Variants in RBFOX3 observed in about 807,000 individuals in gnomAD.
RBFOX3 encodes the protein RNA binding protein fox-1 homolog 3.
A neutral mutation model predicts 48.7 loss-of-function variants in RBFOX3; 17 were observed. The ratio of observed to expected loss-of-function variants is 0.35; its 90% CI spans 0.24 to 0.52. The LOEUF (loss-of-function observed/expected upper bound fraction) is 0.52. RBFOX3 is among the 20% of genes least tolerant of loss of function. The probability of loss-of-function intolerance (pLI) is 0.94; values close to 1 mark genes in which losing one functional copy is unlikely to be tolerated. For missense variants in RBFOX3, 382 were observed against 497.5 expected (o/e 0.77, Z 2.21); for synonymous variants, 212 against 209.5 (o/e 1.01, Z -0.10).
chr17:79,501,831 G>A (rs967691777), intron 1 of RBFOX3, among the ~76,000 whole-genome samples: 2 of 152,186 alleles, frequency 1.3e-5, no homozygotes, highest in South Asian at 2.1e-4. Flanking sequence ...AAACTGCCCT[G>A]CCTTATCTCA....
intron 1 of RBFOX3, among the ~76,000 whole-genome samples, chr17:79,519,883 G>T (rs2085807820): frequency 6.6e-6 from 1 of 152,182 alleles, no homozygotes; most frequent in South Asian, 2.1e-4. Context: ...AGAGCTCCTG[G>T]CTGGTCCCCG....
In RBFOX3 at chr17:79,116,459, G is replaced by A. The variant is rs568921737; in HGVS notation, c.-33-711C>T. 1.3e-3 allele frequency among the ~76,000 whole-genome samples: 191 copies of A among 152,354 alleles called. 1 individual carries two copies. The highest frequency in any genetic ancestry group is 4.2e-3 in the African/African-American group (174 of 41,578). ...CAACCTGGGAGGCAGGGGTTGCAGC[G>A]AGCCAAAATCGCACTATTGCGCTCC... On this transcript the variant is annotated intron_variant, in intron 4 of 14. Coordinates refer to ENST00000693108, the MANE Select transcript of RBFOX3 (RefSeq NM_001350451.2).
Position 79,103,022 on chromosome 17 carries a change from G to T in RBFOX3, c.507+140C>A. The T allele has an allele frequency of 1.5e-6, 1 of 660,586 alleles. No homozygotes were observed. The allele number at this position is 660,586 out of a possible 1,614,324, so 40.9% of individuals were successfully genotyped here. On this transcript the variant is annotated intron_variant, in intron 8 of 14. Transcript: ENST00000693108. The surrounding 1 kb of genome is among the most constrained non-coding windows in gnomAD (Gnocchi z 6.1). Reference sequence around the variant, plus strand: ...GGCAGCTGAGCACCCTGGCCTTAGTGCGACCCTTCCTCCCACCCCAGGGAA... The same window carrying T: ...GGCAGCTGAGCACCCTGGCCTTAGTTCGACCCTTCCTCCCACCCCAGGGAA...
chr17:79,416,578 C>T (rs546719235), intron 2 of RBFOX3, among the ~76,000 whole-genome samples: 36 of 152,322 alleles, frequency 2.4e-4, no homozygotes, highest in African/African-American at 7.9e-4. Context: ...TGCTCTCCCA[C>T]GGGGGCCAGC....
At chr17:79,436,030 AG>A (rs2069374120) in intron 2 of RBFOX3, among the ~76,000 whole-genome samples, 1 of 152,240 alleles carries the variant, frequency 6.6e-6, no homozygotes, top group Admixed American at 6.5e-5. Context: ...CGCCCCCATG[AG>A]ACCTGCAACC....
At chr17:79,522,721 G>A (rs2095254654) in intron 1 of RBFOX3, among the ~76,000 whole-genome samples, 1 of 152,060 alleles carries the variant, frequency 6.6e-6, no homozygotes, top group African/African-American at 2.4e-5. Flanking sequence ...CCTGAGGTCA[G>A]GAGTTTGAGA....
rs187323283 is a variant in RBFOX3, at chr17:79,180,884, G to A, written c.-34+54882C>T. Among the ~76,000 whole-genome samples the A allele has an allele frequency of 1.2e-4, 18 of 152,124 alleles. No homozygotes were observed. The East Asian group carries it at 2.5e-3, about 21-fold the overall frequency. On this transcript the variant is annotated intron_variant, in intron 4 of 14. Coordinates refer to ENST00000693108, the MANE Select transcript of RBFOX3 (RefSeq NM_001350451.2). ...GCTCTGGCTTTCCCAGGGACAATTCGGGATGGCTATGGCTCCGTGGACATC... is the reference window on the plus strand; with the variant it reads ...GCTCTGGCTTTCCCAGGGACAATTCAGGATGGCTATGGCTCCGTGGACATC...
chr17:79,159,155 A>G (rs2046423595), intron 4 of RBFOX3, among the ~76,000 whole-genome samples: 1 of 152,140 alleles, frequency 6.6e-6, no homozygotes, highest in Admixed American at 6.5e-5. Context: ...TGGGGAGCGG[A>G]GACCCAAAGA....
At chr17:79,120,020 C>G (rs2035262930) in intron 4 of RBFOX3, among the ~76,000 whole-genome samples, 1 of 152,200 alleles carries the variant, frequency 6.6e-6, no homozygotes, top group Admixed American at 6.5e-5. Flanking sequence ...AGTATCTGTC[C>G]CATTGCTTCT....
the RBFOX3 span, among the ~76,000 whole-genome samples, chr17:79,622,230 C>T: frequency 6.6e-6 from 1 of 152,222 alleles, no homozygotes. Context: ...TCTTGGCACA[C>T]CTTCAGACCG....
chr17:79,448,445 T>A (rs1555739577), intron 2 of RBFOX3, among the ~76,000 whole-genome samples: 1 of 152,070 alleles, frequency 6.6e-6, no homozygotes, highest in Admixed American at 6.5e-5. Context: ...AGTGTCCTCA[T>A]AAGAAACAGA....
intron 2 of RBFOX3, among the ~76,000 whole-genome samples, chr17:79,424,505 C>A (rs2067004071): frequency 6.6e-6 from 1 of 152,200 alleles, no homozygotes; most frequent in South Asian, 2.1e-4. Context: ...GCCAGCCATG[C>A]TCTTCCTGTG....
Position 79,482,840 on chromosome 17 carries a change from G to A in RBFOX3, c.-319-242C>T, listed in dbSNP as rs1329359855. On this transcript the variant is annotated intron_variant, in intron 1 of 14. Transcript: ENST00000693108. The surrounding 1 kb of genome is among the most constrained non-coding windows in gnomAD (Gnocchi z 4.1). ...ATCATTAGGACCCTATTGCCAAACA[G>A]CCACCGTGCAGTCCATCCCAGGGTC... Among the ~76,000 whole-genome samples, 2 of 151,878 alleles carry A rather than the reference G, an allele frequency of 1.3e-5. No individual in the cohort carries two copies. The highest frequency in any genetic ancestry group is 1.9e-4 in the East Asian group (1 of 5,178).
rs1034622213 is a variant in RBFOX3, at chr17:79,212,757, C to A, written c.-34+23009G>T. ...GAGAAAAGCAGGCTGTGGGGAGGGGCGGGGAATGGGAGAAAGTGCCTGGCT... is the reference window on the plus strand; with the variant it reads ...GAGAAAAGCAGGCTGTGGGGAGGGGAGGGGAATGGGAGAAAGTGCCTGGCT... On this transcript the variant is annotated intron_variant, in intron 4 of 14. Transcript: ENST00000693108. This position sits in a 1 kb window ranked among gnomAD's most constrained non-coding sequence, Gnocchi z 4.7. Among the ~76,000 whole-genome samples, 1 of 152,040 alleles carries A rather than the reference C, an allele frequency of 6.6e-6. No homozygotes were observed.
At chr17:79,154,405 CTCTT>C (rs1396733644) in intron 4 of RBFOX3, among the ~76,000 whole-genome samples, 1 of 152,256 alleles carries the variant, frequency 6.6e-6, no homozygotes, top group Non-Finnish European at 1.5e-5. Flanking sequence ...GACCTCATCT[CTCTT>C]TCTCTGCTGC....
chr17:79,283,182 G>A (rs970929145), intron 3 of RBFOX3, among the ~76,000 whole-genome samples: 15 of 152,076 alleles, frequency 9.9e-5, no homozygotes, highest in Non-Finnish European at 1.5e-4. Flanking sequence ...TGCTTCCTTC[G>A]TGGTTTCGTG....
chr17:79,289,650 C>T (rs2072826603), intron 3 of RBFOX3, among the ~76,000 whole-genome samples: 1 of 152,234 alleles, frequency 6.6e-6, no homozygotes, highest in Non-Finnish European at 1.5e-5. Context: ...TTGGGGCTTT[C>T]CCCCTTTGGC....
At chr17:79,143,375 G>GGGGGT (rs200050541) in intron 4 of RBFOX3, among the ~76,000 whole-genome samples, 1 of 130,188 alleles carries the variant, frequency 7.7e-6, no homozygotes, top group Non-Finnish European at 1.7e-5. Flanking sequence ...TGGTGGAGCG[G>GGGGGT]GGGGTGGGGG....
intron 1 of RBFOX3, chr17:79,602,103 C>A (rs1164333959): frequency 2.0e-5 from 3 of 152,242 alleles, no homozygotes; most frequent in Non-Finnish European, 4.4e-5. Context: ...AATGTACCCG[C>A]TGGAAGACGG....
Sources: allele counts gnomAD v4.1 joint callset (sites outside exome capture counted in the v4.1 genomes callset), GRCh38; gene constraint gnomAD v4.1.1; non-coding constraint Gnocchi (gnomAD v3.1); transcripts MANE v1.5; gene names NCBI Gene and HGNC (gene_info 2026-07-23, HGNC 2026-07-21).